TPD52: variants seen among roughly 807,000 people sequenced by gnomAD.
TPD52 encodes tumor protein D52, also known as prostate and colon associated protein.
Under a neutral mutation model 31.3 loss-of-function variants are expected in TPD52, and 17 were observed. The observed-to-expected ratio is 0.54, with a 90% CI of 0.37 to 0.82. The LOEUF (loss-of-function observed/expected upper bound fraction) is 0.82. TPD52 is among the 40% of genes least tolerant of loss of function. The probability of loss-of-function intolerance (pLI) is 0.00; values close to 1 mark genes in which losing one functional copy is unlikely to be tolerated. For missense variants in TPD52, 212 were observed against 240.1 expected, an observed-to-expected ratio of 0.88 and a Z score of 0.77; for synonymous variants, 83 against 89.6, an observed-to-expected ratio of 0.93 and a Z score of 0.42.
At chr8:80,078,411 G>A (rs1434938650) in intron 1 of TPD52, among the ~76,000 whole-genome samples, 3 of 152,222 alleles carry the variant, frequency 2.0e-5, no homozygotes, top group African/African-American at 7.2e-5. Context: ...GATTCATAAT[G>A]TATTGGTCCT....
At position 80,067,552 on chromosome 8, in the gene TPD52, G is replaced by T. The variant is rs544814200; in HGVS notation, c.20-2959C>A. Among the ~76,000 whole-genome samples the T allele has an allele frequency of 9.2e-5, 14 of 151,986 alleles. No homozygotes were observed. In the South Asian group the frequency reaches 2.9e-3, roughly 32 times the overall value. On this transcript the variant is annotated intron_variant, in intron 1 of 7. Coordinates refer to ENST00000518937, the MANE Select transcript of TPD52 (RefSeq NM_001025253.3). ...TATGTGCAACACTTCTGTGAGGTGG[G>T]GATCCCTGTCACCACTTACAGATCA...
intron 1 of TPD52, among the ~76,000 whole-genome samples, chr8:80,137,240 G>A (rs1809499580): frequency 6.6e-6 from 1 of 152,168 alleles, no homozygotes; most frequent in African/African-American, 2.4e-5. Flanking sequence ...GACACAGGGT[G>A]ATGAAAATAT....
intron 1 of TPD52, among the ~76,000 whole-genome samples, chr8:80,150,382 T>C (rs1025360059): frequency 2.6e-5 from 4 of 152,160 alleles, no homozygotes; most frequent in Non-Finnish European, 5.9e-5. Flanking sequence ...GAGCGAAATG[T>C]GGGTATGGAG....
In TPD52 at chr8:80,116,777, TAAA is replaced by T. The variant is rs11296093; in HGVS notation, c.20-52187_20-52185del. 8.1e-3 allele frequency among the ~76,000 whole-genome samples: 1,186 copies of T among 145,998 alleles called. 15 individuals are homozygous for T. Among genetic ancestry groups the T allele is most frequent in the African/African-American group, 0.027 (1,084 of 40,084 alleles). On this transcript the variant is annotated intron_variant, in intron 1 of 7. Coordinates refer to ENST00000518937, the MANE Select transcript of TPD52 (RefSeq NM_001025253.3). ...CTAGCAAACCATTATCTAGGAATGT[TAAA>T]AAAAAAAAAAAAGTTTATTTAGTAT...
At chr8:80,052,426 C>A (rs1811466554) in intron 3 of TPD52, among the ~76,000 whole-genome samples, 1 of 152,138 alleles carries the variant, frequency 6.6e-6, no homozygotes, top group Non-Finnish European at 1.5e-5. Context: ...AGATCAAATA[C>A]CAATAAAAAA....
At chr8:80,080,179 G>T (rs1032263903) in intron 1 of TPD52, 5 of 671,024 alleles carry the variant, frequency 7.5e-6, no homozygotes, top group Admixed American at 2.8e-5. Flanking sequence ...TTTGAATCTA[G>T]AATAGCTTAT....
At chr8:80,098,443 T>C (rs1382842274) in intron 1 of TPD52, among the ~76,000 whole-genome samples, 1 of 152,206 alleles carries the variant, frequency 6.6e-6, no homozygotes, top group Non-Finnish European at 1.5e-5. Flanking sequence ...AACAGGAGTT[T>C]GGAAGAGGGT....
At chr8:80,055,288 C>A (rs928753029) in intron 2 of TPD52, among the ~76,000 whole-genome samples, 1 of 152,220 alleles carries the variant, frequency 6.6e-6, no homozygotes, top group South Asian at 2.1e-4. Context: ...GCTTGTGCTG[C>A]TAACACACCT....
intron 1 of TPD52, among the ~76,000 whole-genome samples, chr8:80,170,083 C>G (rs56192937): frequency 1.3e-5 from 2 of 152,038 alleles, no homozygotes; most frequent in African/African-American, 4.8e-5. Context: ...GAGGAAAGAG[C>G]TGAAAGACTC....
intron 1 of TPD52, among the ~76,000 whole-genome samples, chr8:80,099,681 T>C (rs997030537): frequency 3.9e-5 from 6 of 152,124 alleles, no homozygotes; most frequent in Non-Finnish European, 7.3e-5. Flanking sequence ...CAGCTAATTT[T>C]TGTATTTTTA....
chr8:80,122,379 A>T (rs978036840), intron 1 of TPD52, among the ~76,000 whole-genome samples: 2 of 152,178 alleles, frequency 1.3e-5, no homozygotes, highest in African/African-American at 4.8e-5. Flanking sequence ...AAGTGAGTAA[A>T]GAGACCCCAT....
intron 1 of TPD52, among the ~76,000 whole-genome samples, chr8:80,135,508 T>C (rs970222928): frequency 1.5e-4 from 23 of 152,150 alleles, no homozygotes; most frequent in Non-Finnish European, 2.4e-4. Flanking sequence ...TTTTCCAACA[T>C]TTCTGATAAT....
chr8:80,107,638 C>T (rs1410751811), intron 1 of TPD52, among the ~76,000 whole-genome samples: 4 of 151,968 alleles, frequency 2.6e-5, no homozygotes, highest in Non-Finnish European at 4.4e-5. Flanking sequence ...ATTACTAAAC[C>T]AATTTATAAA....
At chr8:80,061,231 G>A (rs951257124) in intron 2 of TPD52, among the ~76,000 whole-genome samples, 1 of 152,054 alleles carries the variant, frequency 6.6e-6, no homozygotes, top group African/African-American at 2.4e-5. Context: ...GGGCGTAGTG[G>A]CACATTCGTG....
At chr8:80,097,913 T>C (rs1806452676) in intron 1 of TPD52, among the ~76,000 whole-genome samples, 1 of 152,262 alleles carries the variant, frequency 6.6e-6, no homozygotes, top group African/African-American at 2.4e-5. Flanking sequence ...TAGGAGCTAA[T>C]GTAGCCAGTG....
At chr8:80,128,789 C>A (rs1254113699) in intron 1 of TPD52, among the ~76,000 whole-genome samples, 2 of 151,482 alleles carry the variant, frequency 1.3e-5, no homozygotes, top group Non-Finnish European at 2.9e-5. Context: ...GACAGTATTA[C>A]CATTTCCATC....
intron 1 of TPD52, among the ~76,000 whole-genome samples, chr8:80,167,756 CT>C (rs1811810282): frequency 6.6e-6 from 1 of 151,828 alleles, no homozygotes; most frequent in South Asian, 2.1e-4. Flanking sequence ...TTTTTGAAGC[CT>C]TTCCTCTCTA....
chr8:80,065,500 T>G (rs1366639614), intron 1 of TPD52, among the ~76,000 whole-genome samples: 1 of 151,946 alleles, frequency 6.6e-6, no homozygotes, highest in African/African-American at 2.4e-5. Flanking sequence ...AGATCTCCCC[T>G]CTTTTCCTGC....
intron 1 of TPD52, among the ~76,000 whole-genome samples, chr8:80,097,018 T>G (rs1335379254): frequency 6.6e-6 from 1 of 152,136 alleles, no homozygotes; most frequent in African/African-American, 2.4e-5. Context: ...AAAGAAAAAG[T>G]TCTTGAAGCT....
Sources: gnomAD v4.1 joint callset for allele counts (sites outside exome capture counted in the v4.1 genomes callset) on GRCh38, gnomAD v4.1.1 for gene constraint, MANE v1.5 for transcripts, NCBI Gene and HGNC (gene_info 2026-07-23, HGNC 2026-07-21) for gene names.